The following NFS1 variants were observed in gnomAD, a reference collection of about 807,000 sequenced individuals.
NFS1 encodes NFS1 cysteine desulfurase.
In NFS1, 26 loss-of-function variants were observed where a neutral mutation model predicts 57.3. That is an observed-to-expected ratio of 0.45 (90% CI 0.33 to 0.63). NFS1 has a LOEUF of 0.63. NFS1 is among the 20% of genes least tolerant of loss of function. The pLI is 0.02. For missense variants in NFS1, 505 were observed against 605.8 expected, an observed-to-expected ratio of 0.83 and a Z score of 1.75; for synonymous variants, 209 against 216.3, an observed-to-expected ratio of 0.97 and a Z score of 0.30.
chr20:35,689,572 T>C (rs1346157673), intron 5 of NFS1, among the ~76,000 whole-genome samples: 4 of 151,024 alleles, frequency 2.6e-5, no homozygotes, highest in African/African-American at 9.8e-5. Flanking sequence ...ATAGAGACCA[T>C]CCTGGCTAAC....
intron 5 of NFS1, among the ~76,000 whole-genome samples, chr20:35,683,526 A>AGCC (rs2034886108): frequency 6.6e-6 from 1 of 151,258 alleles, no homozygotes; most frequent in African/African-American, 2.4e-5. Flanking sequence ...CACACCTGTA[A>AGCC]TCCAAGCACT....
intron 8 of NFS1, 198 bp downstream of exon 8, chr20:35,674,847 G>T: frequency 1.4e-6 from 1 of 727,126 alleles, no homozygotes; most frequent in Non-Finnish European, 2.3e-6. Context: ...TAAATGAGCT[G>T]ATAACTACTA....
chr20:35,672,206 C>G (rs2034667175), intron 12 of NFS1, among the ~76,000 whole-genome samples: 1 of 151,864 alleles, frequency 6.6e-6, no homozygotes, highest in African/African-American at 2.4e-5. Flanking sequence ...GATCCACCCA[C>G]CTCAGCCTCC....
intron 7 of NFS1, among the ~76,000 whole-genome samples, chr20:35,678,215 C>T (rs1026281156): frequency 4.0e-5 from 6 of 151,662 alleles, no homozygotes; most frequent in Admixed American, 1.3e-4. Flanking sequence ...ATTAGCCGGG[C>T]GTGGTGGCAA....
Position 35,690,340 on chromosome 20 carries a change from G to T in NFS1, c.561+73C>A, listed in dbSNP as rs1601532519. ...TCTATTCCTTCAAGCTCCAGCTAGG[G>T]CCCAAGAGAGAAATTTACAAGCTGA... On this transcript the variant is annotated intron_variant, in intron 5 of 12. Transcript: ENST00000374092. The T allele has an allele frequency of 5.5e-6, 8 of 1,454,098 alleles. No individual in the cohort carries two copies. The East Asian group carries it at 1.8e-4, about 33-fold the overall frequency. The allele number at this position is 1,454,098 out of a possible 1,614,324, so 90.1% of individuals were successfully genotyped here. A position where few individuals can be genotyped will look rare whatever the true frequency, so the allele number is the denominator to read the frequency against.
intron 1 of NFS1, 197 bp from the exon 2 acceptor site, chr20:35,698,787 T>G: frequency 1.8e-5 from 25 of 1,393,488 alleles, no homozygotes; most frequent in Non-Finnish European, 2.2e-5. Flanking sequence ...GAGAGAGGGT[T>G]CCTGGAGGGG....
intron 4 of NFS1, among the ~76,000 whole-genome samples, chr20:35,692,939 T>C (rs1568965358): frequency 2.0e-5 from 3 of 150,820 alleles, no homozygotes; most frequent in African/African-American, 7.3e-5. Flanking sequence ...GAGGCAGAAG[T>C]TGTAGTAAGC....
intron 4 of NFS1, among the ~76,000 whole-genome samples, chr20:35,695,769 C>T (rs1354420164): frequency 1.3e-5 from 2 of 152,040 alleles, no homozygotes; most frequent in Non-Finnish European, 2.9e-5. Context: ...AGGCCGGGTA[C>T]GGTGGCTCAC....
At chr20:35,671,241 C>T (rs1461596311) in intron 12 of NFS1, among the ~76,000 whole-genome samples, 2 of 152,158 alleles carry the variant, frequency 1.3e-5, no homozygotes, top group African/African-American at 2.4e-5. Flanking sequence ...GTAACTGGGA[C>T]TACAGGTGCC....
chr20:35,685,815 G>A (rs1211806131), intron 5 of NFS1, among the ~76,000 whole-genome samples: 16 of 137,806 alleles, frequency 1.2e-4, no homozygotes, highest in African/African-American at 5.5e-5. Context: ...CTGAGATCGC[G>A]CCACTGCACT....
At chr20:35,693,867 C>G (rs2035085333) in intron 4 of NFS1, among the ~76,000 whole-genome samples, 1 of 151,966 alleles carries the variant, frequency 6.6e-6, no homozygotes, top group African/African-American at 2.4e-5. Context: ...GAGGCTGAGG[C>G]AGGAGAATGG....
chr20:35,674,949 C>T (rs1601518345), intron 8 of NFS1, 96 bp downstream of exon 8: 13 of 1,521,428 alleles, frequency 8.5e-6, no homozygotes, highest in East Asian at 2.3e-5. Context: ...AGCCCTCTCT[C>T]CCTGCAGAGA....
In NFS1 at chr20:35,675,181, C is replaced by A. The variant is rs764181351; in HGVS notation, c.812G>T (p.Arg271Leu). Residue 271 changes from arginine (R) to leucine (L), a missense_variant, in exon 8 of 13, where the codon CGT becomes CTT. By Grantham distance (102) the Arg-to-Leu change is moderately radical. Coordinates refer to ENST00000374092, the MANE Select transcript of NFS1 (RefSeq NM_021100.5). ...GPKGVGAIYI[R>L]RRPRVRVEAL... The stretch of plus-strand genomic sequence containing the variant: ...CTCCACACGCACACGGGGCCGGCGA[C>A]GGATGTAGATGGCACCAACCCCTGG... 1 of 1,613,244 alleles carries A rather than the reference C, an allele frequency of 6.2e-7. No individual in the cohort carries two copies. Among genetic ancestry groups the A allele is most frequent in the Non-Finnish European group, 8.5e-7 (1 of 1,179,768 alleles).
rs1185536543 is a variant in NFS1, at chr20:35,681,087, TA to T, written c.656-217del. Among the ~76,000 whole-genome samples, 4 of 150,776 alleles carry T rather than the reference TA, an allele frequency of 2.7e-5. No homozygotes were observed. The Admixed American group carries it at 2.7e-4, about 10-fold the overall frequency. The stretch of plus-strand genomic sequence containing the variant: ...TCTCAGTAGCTTCCCTTCTTTAGAA[TA>T]AAAAAGATGAAGGGCAAAGCACCAG... On this transcript the variant is annotated intron_variant, in intron 6 of 12. Coordinates refer to ENST00000374092, the MANE Select transcript of NFS1 (RefSeq NM_021100.5).
chr20:35,689,261 G>A (rs928580476), intron 5 of NFS1, among the ~76,000 whole-genome samples: 7 of 152,190 alleles, frequency 4.6e-5, no homozygotes, highest in African/African-American at 1.4e-4. Flanking sequence ...TCCGAGATGG[G>A]TGGATCACCT....
In NFS1 at chr20:35,698,526, T is replaced by C. The variant is rs370949785; in HGVS notation, c.162A>G (p.Pro54=). 3.7e-6 allele frequency: 6 copies of C among 1,613,826 alleles called. No individual in the cohort carries two copies. The African/African-American group carries it at 6.7e-5, about 18-fold the overall frequency. The part of the protein sequence containing the change: ...ADTAAAPEVG[P]VLRPLYMDVQ... Reference sequence around the variant, plus strand: ...CATCCATATAGAGAGGTCGCAGCACTGGCCCCACCTCCGGGGCAGCGGCTG... The same window carrying C: ...CATCCATATAGAGAGGTCGCAGCACCGGCCCCACCTCCGGGGCAGCGGCTG... Residue 54 remains proline, a synonymous_variant, in exon 2 of 13, where the codon CCA becomes CCG. Transcript: ENST00000374092.
At chr20:35,680,178 G>A (rs1286473160) in intron 7 of NFS1, among the ~76,000 whole-genome samples, 2 of 152,108 alleles carry the variant, frequency 1.3e-5, no homozygotes, top group African/African-American at 4.8e-5. Flanking sequence ...AGTGGCAGGC[G>A]CCTGTAGTCC....
chr20:35,669,613 C>T lies in NFS1; in HGVS notation c.*9G>A, dbSNP rs1297058336. 2 of 1,613,784 alleles carry T rather than the reference C, an allele frequency of 1.2e-6. No individual in the cohort carries two copies. The highest frequency in any genetic ancestry group is 2.7e-5 in the African/African-American group (2 of 74,868). ...GGCCAGACCAGCACAAAGTCAGGGC[C>T]CTATTCTTCTAGTGTTGGGTCCACT... On this transcript the variant is annotated 3_prime_UTR_variant, in exon 13 of 13. Transcript: ENST00000374092.
At chr20:35,676,758 GA>G (rs746820595) in intron 7 of NFS1, among the ~76,000 whole-genome samples, 676 of 18,120 alleles carry the variant, frequency 0.037, 2 homozygotes, top group Middle Eastern at 0.062. Context: ...GAGAAAATCA[GA>G]AAAAAAAAAA....
Sources: gnomAD v4.1 joint callset for allele counts (sites outside exome capture counted in the v4.1 genomes callset) on GRCh38, gnomAD v4.1.1 for gene constraint, MANE v1.5 for transcripts, NCBI Gene and HGNC (gene_info 2026-07-23, HGNC 2026-07-21) for gene names.